The following PLCB4 variants were observed in gnomAD, a reference collection of about 807,000 sequenced individuals.
PLCB4 encodes phospholipase C beta 4, also known as 1-phosphatidylinositol 4,5-bisphosphate phosphodiesterase beta-4.
Under a neutral mutation model 178.8 loss-of-function variants are expected in PLCB4, and 77 were observed. That is an observed-to-expected ratio of 0.43 (90% CI 0.36 to 0.52). PLCB4 has a LOEUF of 0.52. Ranked by LOEUF, PLCB4 falls within the 20% of genes least tolerant of loss-of-function variation. The pLI is 0.00. For synonymous variants in PLCB4, 496 were observed against 490.8 expected, an observed-to-expected ratio of 1.01 and a Z score of -0.14; for missense variants, 1,024 against 1,453.4, an observed-to-expected ratio of 0.70 and a Z score of 4.80.
chr20:9,332,425 T>G (rs1235883078), intron 4 of PLCB4, among the ~76,000 whole-genome samples: 1 of 151,672 alleles, frequency 6.6e-6, no homozygotes, highest in African/African-American at 2.4e-5. Context: ...CCAAATTAGA[T>G]TGTGTTTTAG....
intron 2 of PLCB4, among the ~76,000 whole-genome samples, chr20:9,104,156 C>T (rs915599772): frequency 2.6e-5 from 4 of 152,150 alleles, no homozygotes; most frequent in African/African-American, 9.7e-5. Flanking sequence ...TGAGATGATT[C>T]ACCTACATGC....
At chr20:9,467,289 A>T (rs2043857083) in intron 35 of PLCB4, among the ~76,000 whole-genome samples, 1 of 151,984 alleles carries the variant, frequency 6.6e-6, no homozygotes, top group Non-Finnish European at 1.5e-5. Context: ...AGGGTGGGGG[A>T]CTGGGGGAGG....
intron 2 of PLCB4, among the ~76,000 whole-genome samples, chr20:9,203,849 C>G (rs2093582968): frequency 8.1e-6 from 1 of 122,782 alleles, no homozygotes. Flanking sequence ...TTGCACTGGT[C>G]TTTTGAGATT....
chr20:9,211,452 A>T (rs2093671894), intron 2 of PLCB4, among the ~76,000 whole-genome samples: 1 of 152,176 alleles, frequency 6.6e-6, no homozygotes, highest in Non-Finnish European at 1.5e-5. Flanking sequence ...CCTGCCTCAG[A>T]CCTACAGTCA....
At chr20:9,458,845 C>G (rs1391003564) in intron 34 of PLCB4, among the ~76,000 whole-genome samples, 1 of 152,132 alleles carries the variant, frequency 6.6e-6, no homozygotes, top group Admixed American at 6.5e-5. Flanking sequence ...ACTGCAAAAC[C>G]CCACTGCAAA....
intron 3 of PLCB4, among the ~76,000 whole-genome samples, chr20:9,265,756 A>C: frequency 6.6e-6 from 1 of 152,188 alleles, no homozygotes; most frequent in East Asian, 1.9e-4. Flanking sequence ...CCATTAGCAT[A>C]AATTCTTACA....
At chr20:9,182,460 C>T (rs1357498951) in intron 2 of PLCB4, among the ~76,000 whole-genome samples, 1 of 152,184 alleles carries the variant, frequency 6.6e-6, no homozygotes, top group Non-Finnish European at 1.5e-5. Flanking sequence ...TCAATCATCG[C>T]TAGGCCTAAC....
At chr20:9,224,377 C>T (rs1301212665) in intron 3 of PLCB4, among the ~76,000 whole-genome samples, 3 of 152,184 alleles carry the variant, frequency 2.0e-5, no homozygotes, top group Non-Finnish European at 4.4e-5. Context: ...TGCTTAGGCA[C>T]TAAATGGCCA....
At chr20:9,225,109 G>A (rs2093847215) in intron 3 of PLCB4, among the ~76,000 whole-genome samples, 1 of 152,134 alleles carries the variant, frequency 6.6e-6, no homozygotes, top group African/African-American at 2.4e-5. Flanking sequence ...TGAAGGGCTA[G>A]ATATTCAAAA....
intron 2 of PLCB4, among the ~76,000 whole-genome samples, chr20:9,170,598 T>C (rs979999484): frequency 1.3e-5 from 2 of 152,210 alleles, no homozygotes; most frequent in East Asian, 3.9e-4. Context: ...AGTAACCTCA[T>C]CATTTAGCCT....
At chr20:9,444,382 G>A in intron 32 of PLCB4, 139 bp downstream of exon 32, 1 of 594,744 alleles carries the variant, frequency 1.7e-6, no homozygotes. Context: ...TTAAAAAATA[G>A]AATCGGTTTG....
chr20:9,144,044 G>A (rs1420159016), intron 2 of PLCB4, among the ~76,000 whole-genome samples: 1 of 152,142 alleles, frequency 6.6e-6, no homozygotes, highest in Non-Finnish European at 1.5e-5. Flanking sequence ...TCCTTGAGAA[G>A]TCTTTCTGAA....
intron 7 of PLCB4, among the ~76,000 whole-genome samples, chr20:9,347,793 T>C (rs2033950300): frequency 6.6e-6 from 1 of 152,062 alleles, no homozygotes; most frequent in African/African-American, 2.4e-5. Flanking sequence ...CTGGCTAACA[T>C]GGTGAAACCC....
chr20:9,356,351 ATGT>A (rs993614923), intron 7 of PLCB4, among the ~76,000 whole-genome samples: 4 of 152,200 alleles, frequency 2.6e-5, no homozygotes, highest in Admixed American at 1.3e-4. Context: ...AAGAGGAAAC[ATGT>A]TGGTGGTGAT....
rs1288619534 is a variant in PLCB4 at position 9,077,467 on chromosome 20, C to T, written c.-135+8261C>T. ...TGCAGCATGTCCCACATTGTTACCT[C>T]GCTTTACTAATTCAGTAAGATTTCA... On this transcript the variant is annotated intron_variant, in intron 1 of 39. Transcript: ENST00000378473. Among the ~76,000 whole-genome samples the T allele has an allele frequency of 2.6e-5, 4 of 152,170 alleles. No individual in the cohort carries two copies. In the East Asian group the frequency reaches 5.8e-4, roughly 22 times the overall value.
chr20:9,160,964 A>G (rs992227008), intron 2 of PLCB4, among the ~76,000 whole-genome samples: 1 of 152,202 alleles, frequency 6.6e-6, no homozygotes, highest in African/African-American at 2.4e-5. Flanking sequence ...GTGAAAGCAG[A>G]AAGCGAGCCA....
At chr20:9,162,386 G>C (rs2092902866) in intron 2 of PLCB4, among the ~76,000 whole-genome samples, 3 of 152,180 alleles carry the variant, frequency 2.0e-5, no homozygotes, top group Admixed American at 2.0e-4. Flanking sequence ...AGGAAAGAGA[G>C]AAGCAGAGGT....
At chr20:9,419,281 G>A (rs1328166673) in intron 25 of PLCB4, among the ~76,000 whole-genome samples, 1 of 152,102 alleles carries the variant, frequency 6.6e-6, no homozygotes, top group Non-Finnish European at 1.5e-5. Context: ...TCACATTAGT[G>A]GTACCCGTGA....
chr20:9,447,961 G>T (rs573588840), intron 32 of PLCB4, among the ~76,000 whole-genome samples: 1 of 152,258 alleles, frequency 6.6e-6, no homozygotes, highest in Admixed American at 6.5e-5. Flanking sequence ...AGGTCATTGG[G>T]CCAAGAGCTG....
Sources: gnomAD v4.1 joint callset for allele counts (sites outside exome capture counted in the v4.1 genomes callset) on GRCh38, gnomAD v4.1.1 for gene constraint, MANE v1.5 for transcripts, NCBI Gene and HGNC (gene_info 2026-07-23, HGNC 2026-07-21) for gene names.